Variants in EPB41 observed in about 807,000 individuals in gnomAD.
The protein encoded by EPB41 is protein 4.1.
EPB41 carries 65 observed loss-of-function variants against 108.0 expected under a neutral mutation model. The observed-to-expected ratio is 0.60, with a 90% CI of 0.49 to 0.74. The LOEUF (loss-of-function observed/expected upper bound fraction) is 0.74. Among genes scored for constraint, EPB41 ranks in the 30% least tolerant of loss-of-function variants. The pLI is 0.00. For missense variants in EPB41, 875 were observed against 1,037.0 expected, an observed-to-expected ratio of 0.84 and a Z score of 2.15; for synonymous variants, 336 against 358.9, an observed-to-expected ratio of 0.94 and a Z score of 0.72.
intron 16 of EPB41, chr1:29,065,762 G>C (rs953353231): frequency 6.6e-6 from 1 of 152,588 alleles, no homozygotes; most frequent in Non-Finnish European, 1.5e-5. Flanking sequence ...GATCACTTGA[G>C]TCCAGTAGTT....
chr1:29,021,462 A>G (rs1314531354), intron 7 of EPB41, among the ~76,000 whole-genome samples: 2 of 152,204 alleles, frequency 1.3e-5, no homozygotes, highest in African/African-American at 4.8e-5. Context: ...TCTATTTAAT[A>G]TTCTGTGTGA....
At chr1:28,920,364 A>T (rs1181136053) in intron 1 of EPB41, among the ~76,000 whole-genome samples, 1 of 152,216 alleles carries the variant, frequency 6.6e-6, no homozygotes, top group African/African-American at 2.4e-5. Flanking sequence ...ATTGTTATTT[A>T]TAGATGCAAC....
intron 16 of EPB41, among the ~76,000 whole-genome samples, chr1:29,073,875 G>A (rs1181477123): frequency 6.6e-6 from 1 of 152,116 alleles, no homozygotes; most frequent in East Asian, 1.9e-4. Flanking sequence ...GGCATCCTAG[G>A]ACCTGGTACA....
intron 4 of EPB41, among the ~76,000 whole-genome samples, chr1:29,001,564 A>G (rs1162419648): frequency 6.6e-6 from 1 of 152,118 alleles, no homozygotes; most frequent in Non-Finnish European, 1.5e-5. Context: ...GAGACATTAC[A>G]TGTCTGAAAA....
intron 19 of EPB41, among the ~76,000 whole-genome samples, chr1:29,113,994 G>A (rs935871372): frequency 6.6e-6 from 1 of 152,176 alleles, no homozygotes; most frequent in Non-Finnish European, 1.5e-5. Flanking sequence ...GGGCAAACAG[G>A]ATCAGGGAGG....
chr1:29,021,164 A>C (rs1321000229), intron 7 of EPB41, among the ~76,000 whole-genome samples: 1 of 152,242 alleles, frequency 6.6e-6, no homozygotes, highest in Non-Finnish European at 1.5e-5. Flanking sequence ...GAGTTAGGAC[A>C]ACGGTTCTCA....
intron 11 of EPB41, among the ~76,000 whole-genome samples, chr1:29,052,537 G>C (rs1330051668): frequency 6.6e-6 from 1 of 152,132 alleles, no homozygotes; most frequent in Non-Finnish European, 1.5e-5. Context: ...AGAGCATCTG[G>C]TTCAAATATT....
chr1:29,048,211 T>C (rs900425075), intron 11 of EPB41, among the ~76,000 whole-genome samples: 1 of 151,966 alleles, frequency 6.6e-6, no homozygotes, highest in Non-Finnish European at 1.5e-5. Flanking sequence ...CCAGCTGATA[T>C]CTTTATTATT....
chr1:29,009,672 C>T (rs1011408729), intron 4 of EPB41, among the ~76,000 whole-genome samples: 9 of 152,110 alleles, frequency 5.9e-5, no homozygotes, highest in South Asian at 2.1e-4. Flanking sequence ...TTTGAAAATA[C>T]GGCAACTTTT....
Position 29,015,694 on chromosome 1 carries a change from G to A in EPB41, c.832G>A (p.Val278Ile), listed in dbSNP as rs137895267. ...AKEIKKQVRGVPWNFTFNVKF... is the reference protein window; with the variant it reads ...AKEIKKQVRGIPWNFTFNVKF... ...TTCTTTTGTGTTTATTTTTATAGGT[G>A]TCCCTTGGAATTTTACATTTAATGT... The change falls in exon 6 of 21, where the codon GTC (valine) becomes ATC (isoleucine). Residue 278 changes from valine (V) to isoleucine (I), a missense_variant and splice_region_variant. By Grantham distance (29) the Val-to-Ile change is conservative (BLOSUM62 3). Transcript: ENST00000343067. 53 of 1,600,398 alleles carry A rather than the reference G, an allele frequency of 3.3e-5. No homozygotes were observed. In the African/African-American group the frequency reaches 5.1e-4, roughly 15 times the overall value.
chr1:28,970,179 A>G (rs978675614), intron 1 of EPB41, among the ~76,000 whole-genome samples: 3 of 152,152 alleles, frequency 2.0e-5, no homozygotes, highest in African/African-American at 7.2e-5. Context: ...TATATTTTTC[A>G]TACTTAACAA....
At chr1:28,917,636 A>C (rs2092779589) in intron 1 of EPB41, among the ~76,000 whole-genome samples, 1 of 151,984 alleles carries the variant, frequency 6.6e-6, no homozygotes. Context: ...GCTGGAGGGC[A>C]GTGGCATGAT....
rs1671600780 is a variant in EPB41, at chr1:29,119,779, A to C, written c.*2967A>C. 6.6e-6 allele frequency: 1 copy of C among 152,190 alleles called. No homozygotes were observed. Among genetic ancestry groups the C allele is most frequent in the Non-Finnish European group, 1.5e-5 (1 of 68,010 alleles). The allele number at this position is 152,190 out of a possible 1,614,324, so 9.4% of individuals were successfully genotyped here. On this transcript the variant is annotated 3_prime_UTR_variant, in exon 21 of 21. Coordinates refer to ENST00000343067, the MANE Select transcript of EPB41 (RefSeq NM_001376013.1). ...CTGGTTGTTTCTACAAATCTCTCTC[A>C]AATGTATTATTTTGGTGACAAAAAT...
intron 3 of EPB41, among the ~76,000 whole-genome samples, chr1:28,995,182 T>C (rs933130614): frequency 1.3e-5 from 2 of 151,990 alleles, no homozygotes; most frequent in African/African-American, 4.8e-5. Context: ...GGAAAGCTAT[T>C]TTACACCTAT....
chr1:28,953,254 A>G (rs2094812240), intron 1 of EPB41, among the ~76,000 whole-genome samples: 2 of 151,774 alleles, frequency 1.3e-5, no homozygotes, highest in South Asian at 4.1e-4. Flanking sequence ...ATTTCTACTC[A>G]GTCTGGATTT....
At chr1:28,923,882 C>G (rs2148350985) in intron 1 of EPB41, among the ~76,000 whole-genome samples, 1 of 152,182 alleles carries the variant, frequency 6.6e-6, no homozygotes, top group East Asian at 1.9e-4. Context: ...ATTATGGCCC[C>G]CAATTATCCC....
intron 1 of EPB41, among the ~76,000 whole-genome samples, chr1:28,890,653 A>C (rs2090017630): frequency 6.6e-6 from 1 of 152,204 alleles, no homozygotes; most frequent in Middle Eastern, 3.2e-3. Flanking sequence ...AGCACTTACT[A>C]TGCACAGCAT....
At position 29,027,654 on chromosome 1, in the gene EPB41, C is replaced by T. The variant is rs553024179; in HGVS notation, c.1125-2746C>T. 4.8e-4 allele frequency among the ~76,000 whole-genome samples: 73 copies of T among 151,904 alleles called. 1 individual carries two copies. Among genetic ancestry groups the T allele is most frequent in the African/African-American group, 1.7e-3 (72 of 41,444 alleles). On this transcript the variant is annotated intron_variant, in intron 7 of 20. Transcript: ENST00000343067. ...CTGAGACAAGGTCTCTCTATGTCGC[C>T]TAGGCTCATAGACTCAAGCAATCCT...
chr1:29,075,564 C>T (rs1044584208), intron 16 of EPB41, among the ~76,000 whole-genome samples: 1 of 152,138 alleles, frequency 6.6e-6, no homozygotes, highest in African/African-American at 2.4e-5. Flanking sequence ...ATAACTCTGA[C>T]ATTTGAAAGA....
Sources: gnomAD v4.1 joint callset for allele counts (sites outside exome capture counted in the v4.1 genomes callset) on GRCh38, gnomAD v4.1.1 for gene constraint, MANE v1.5 for transcripts, NCBI Gene and HGNC (gene_info 2026-07-23, HGNC 2026-07-21) for gene names.